The following RUNDC3B variants were observed in gnomAD, a reference collection of about 807,000 sequenced individuals.
RUNDC3B encodes the protein RUN domain-containing protein 3B.
RUNDC3B carries 33 observed loss-of-function variants against 58.4 expected under a neutral mutation model. The observed-to-expected ratio is 0.56, with a 90% CI of 0.43 to 0.75. The LOEUF (loss-of-function observed/expected upper bound fraction) is 0.75. Among genes scored for constraint, RUNDC3B ranks in the 30% least tolerant of loss-of-function variants. The pLI is 0.00. For missense variants in RUNDC3B, 501 were observed against 535.7 expected (o/e 0.94, Z 0.64); for synonymous variants, 193 against 195.2 (o/e 0.99, Z 0.10).
At chr7:87,715,908 A>T (rs1830528349) in intron 4 of RUNDC3B, among the ~76,000 whole-genome samples, 1 of 152,060 alleles carries the variant, frequency 6.6e-6, no homozygotes, top group African/African-American at 2.4e-5. Flanking sequence ...ATTGGAAGGA[A>T]AGTCACTGAC....
intron 6 of RUNDC3B, among the ~76,000 whole-genome samples, chr7:87,747,954 G>A (rs947648324): frequency 1.2e-4 from 19 of 152,144 alleles, no homozygotes; most frequent in African/African-American, 4.6e-4. Flanking sequence ...TGCCTGTGGA[G>A]TCTGCACACT....
intron 4 of RUNDC3B, among the ~76,000 whole-genome samples, chr7:87,719,425 TA>T (rs893185171): frequency 1.6e-4 from 24 of 151,244 alleles, no homozygotes; most frequent in South Asian, 2.1e-4. Context: ...AAAATAAATA[TA>T]AAAAATATAC....
chr7:87,753,392 A>G lies in RUNDC3B; in HGVS notation c.629+11813A>G, dbSNP rs1242132658. Among the ~76,000 whole-genome samples, 9 of 151,380 alleles carry G rather than the reference A, an allele frequency of 5.9e-5. No individual in the cohort carries two copies. The South Asian group carries it at 8.4e-4, about 14-fold the overall frequency. On this transcript the variant is annotated intron_variant, in intron 6 of 10. Coordinates refer to ENST00000394654, the MANE Select transcript of RUNDC3B (RefSeq NM_001134405.2). ...AGTTCTGTAGATGTCTATTAGGTCC[A>G]CTTGGTGCAGAGCTGAGTTCAATTC...
intron 2 of RUNDC3B, among the ~76,000 whole-genome samples, chr7:87,682,365 G>A (rs1406260552): frequency 3.3e-5 from 5 of 152,080 alleles, no homozygotes; most frequent in African/African-American, 4.8e-5. Context: ...TGTTCTTGAC[G>A]AATCTTTTCC....
At chr7:87,776,612 G>C (rs1441624143) in intron 7 of RUNDC3B, among the ~76,000 whole-genome samples, 1 of 151,890 alleles carries the variant, frequency 6.6e-6, no homozygotes, top group Non-Finnish European at 1.5e-5. Flanking sequence ...GATTAATCTA[G>C]GTGGTGGATA....
intron 2 of RUNDC3B, among the ~76,000 whole-genome samples, chr7:87,672,204 G>T (rs1825892120): frequency 6.6e-6 from 1 of 152,190 alleles, no homozygotes; most frequent in African/African-American, 2.4e-5. Flanking sequence ...GGCCCCACTT[G>T]GGAGGTTCCA....
intron 9 of RUNDC3B, among the ~76,000 whole-genome samples, chr7:87,814,285 A>C (rs1465679261): frequency 6.6e-6 from 1 of 151,956 alleles, no homozygotes; most frequent in Non-Finnish European, 1.5e-5. Context: ...TTTTTAGTAG[A>C]GATGGGGTTT....
intron 2 of RUNDC3B, among the ~76,000 whole-genome samples, chr7:87,690,918 G>GA (rs1028190885): frequency 7.9e-5 from 12 of 151,398 alleles, no homozygotes; most frequent in African/African-American, 2.7e-4. Context: ...AACTTTATTA[G>GA]AAAAAAATAT....
intron 2 of RUNDC3B, among the ~76,000 whole-genome samples, chr7:87,659,066 A>T (rs1252691409): frequency 2.6e-5 from 4 of 152,090 alleles, no homozygotes; most frequent in Non-Finnish European, 5.9e-5. Context: ...AGGTGGGAGG[A>T]TCACTTAAGC....
intron 9 of RUNDC3B, among the ~76,000 whole-genome samples, chr7:87,815,448 G>A (rs1836974999): frequency 6.6e-6 from 1 of 151,992 alleles, no homozygotes; most frequent in African/African-American, 2.4e-5. Context: ...GGATTATCCT[G>A]AAGAACCAAA....
intron 8 of RUNDC3B, among the ~76,000 whole-genome samples, chr7:87,784,241 T>A (rs2130893991): frequency 6.6e-6 from 1 of 152,372 alleles, no homozygotes; most frequent in Non-Finnish European, 1.5e-5. Flanking sequence ...TGGTTAGGAT[T>A]CATTGCTGGG....
intron 2 of RUNDC3B, among the ~76,000 whole-genome samples, chr7:87,687,087 C>T (rs2130623428): frequency 6.6e-6 from 1 of 152,120 alleles, no homozygotes; most frequent in East Asian, 1.9e-4. Flanking sequence ...ATTTAATCTG[C>T]TAATTATACT....
In RUNDC3B at chr7:87,633,681, T is replaced by A. The variant is rs542063598; in HGVS notation, c.122+4736T>A. On this transcript the variant is annotated intron_variant, in intron 1 of 10. Transcript: ENST00000394654. ...ATCAGGTGTTTAATTTTTTTTTTTT[T>A]AAAAAGCACCCAGAGGCCTGAGTTA... Among the ~76,000 whole-genome samples the A allele has an allele frequency of 9.8e-3, 1,486 of 151,888 alleles. 15 individuals carry two copies. Among genetic ancestry groups the A allele is most frequent in the Non-Finnish European group, 0.015 (1,008 of 67,938 alleles).
chr7:87,761,529 A>G (rs933384016), intron 6 of RUNDC3B, among the ~76,000 whole-genome samples: 11 of 152,054 alleles, frequency 7.2e-5, no homozygotes, highest in African/African-American at 2.2e-4. Flanking sequence ...CTTTTACATG[A>G]ATGTTCATTA....
intron 1 of RUNDC3B, among the ~76,000 whole-genome samples, chr7:87,638,027 T>C (rs1268061414): frequency 6.6e-6 from 1 of 152,158 alleles, no homozygotes; most frequent in East Asian, 1.9e-4. Context: ...TGAGAATTTG[T>C]ATCATAAATG....
At chr7:87,636,543 A>G (rs1446554747) in intron 1 of RUNDC3B, among the ~76,000 whole-genome samples, 1 of 152,100 alleles carries the variant, frequency 6.6e-6, no homozygotes, top group Non-Finnish European at 1.5e-5. Flanking sequence ...GTATGTTTTG[A>G]TGAATAGAAA....
In RUNDC3B at chr7:87,710,559, C is replaced by T; in HGVS notation, c.373-11C>T. 2 of 1,490,030 alleles carry T rather than the reference C, an allele frequency of 1.3e-6. No individual in the cohort carries two copies. Among genetic ancestry groups the T allele is most frequent in the Non-Finnish European group, 1.8e-6 (2 of 1,094,160 alleles). 92.3% of individuals were successfully genotyped at this position (1,490,030 alleles called of 1,614,324 possible). A position where few individuals can be genotyped will look rare whatever the true frequency, so the allele number is the denominator to read the frequency against. ...TTTTTTTTATATTTGATTCTTTCTT[C>T]TTCCTTTTAGGGTAGAGCCTGGATC... On this transcript the variant is annotated splice_polypyrimidine_tract_variant and intron_variant, in intron 3 of 10. Coordinates refer to ENST00000394654, the MANE Select transcript of RUNDC3B (RefSeq NM_001134405.2).
At chr7:87,784,858 C>T (rs1242287823) in intron 8 of RUNDC3B, among the ~76,000 whole-genome samples, 4 of 151,926 alleles carry the variant, frequency 2.6e-5, no homozygotes, top group Admixed American at 2.0e-4. Context: ...TTTCCTTAGC[C>T]CTAAGGGGGA....
intron 8 of RUNDC3B, among the ~76,000 whole-genome samples, chr7:87,803,260 CTA>C (rs1022070199): frequency 1.6e-4 from 24 of 152,216 alleles, no homozygotes; most frequent in African/African-American, 5.8e-4. Context: ...TAACTGAAAA[CTA>C]TAGTTTTGTT....
Sources: allele counts gnomAD v4.1 joint callset (sites outside exome capture counted in the v4.1 genomes callset), GRCh38; gene constraint gnomAD v4.1.1; transcripts MANE v1.5; gene names NCBI Gene and HGNC (gene_info 2026-07-23, HGNC 2026-07-21).